The following PHACTR1 variants were observed in gnomAD, a reference collection of about 807,000 sequenced individuals.
The protein encoded by PHACTR1 is phosphatase and actin regulator 1, also known as RPEL repeat containing 1.
A neutral mutation model predicts 69.2 loss-of-function variants in PHACTR1; 16 were observed. That is an observed-to-expected ratio of 0.23 (90% CI 0.16 to 0.35). The LOEUF is 0.35. Among genes scored for constraint, PHACTR1 ranks in the 10% least tolerant of loss-of-function variants. The probability of loss-of-function intolerance (pLI) is 1.00; values close to 1 mark genes in which losing one functional copy is unlikely to be tolerated. For missense variants in PHACTR1, 510 were observed against 734.7 expected (o/e 0.69, Z 3.54); for synonymous variants, 312 against 284.5 (o/e 1.10, Z -0.97).
rs114783522 is a variant in PHACTR1, at chr6:12,845,913, G to A, written c.250+96123G>A. Among the ~76,000 whole-genome samples, 1,051 of 152,304 alleles carry A rather than the reference G, an allele frequency of 6.9e-3. 16 individuals are homozygous for A. The highest frequency in any genetic ancestry group is 0.024 in the African/African-American group (1,000 of 41,558). ...GACAAAGTAAGCAATTTCATTGTGT[G>A]CAGATTTCATGCACCTGCTGAAAGT... On this transcript the variant is annotated intron_variant, in intron 4 of 14. Transcript: ENST00000332995.
intron 4 of PHACTR1, among the ~76,000 whole-genome samples, chr6:12,780,518 A>G (rs1770688848): frequency 1.3e-5 from 2 of 152,180 alleles, no homozygotes. Flanking sequence ...CACAGAGTAA[A>G]TCTTTGCCAG....
At chr6:12,950,516 A>G (rs1372597425) in intron 4 of PHACTR1, among the ~76,000 whole-genome samples, 2 of 152,210 alleles carry the variant, frequency 1.3e-5, no homozygotes, top group South Asian at 2.1e-4. Context: ...ATCTTTGGAA[A>G]ATGCAATCTG....
intron 4 of PHACTR1, among the ~76,000 whole-genome samples, chr6:12,964,354 A>G (rs898064759): frequency 1.1e-4 from 17 of 152,310 alleles, no homozygotes; most frequent in African/African-American, 3.8e-4. Flanking sequence ...TAAGAGGGAG[A>G]TATTAATTCT....
intron 4 of PHACTR1, among the ~76,000 whole-genome samples, chr6:12,820,337 C>T (rs145058910): frequency 2.6e-5 from 4 of 152,048 alleles, no homozygotes; most frequent in African/African-American, 4.8e-5. Context: ...CATGCCACCA[C>T]GTCTGACTAA....
Position 12,741,965 on chromosome 6 carries a change from ACTTG to A in PHACTR1, c.104-7675_104-7672del, listed in dbSNP as rs143931323. On this transcript the variant is annotated intron_variant, in intron 3 of 14. Coordinates refer to ENST00000332995, the MANE Select transcript of PHACTR1 (RefSeq NM_030948.6). Reference sequence around the variant, plus strand: ...TGTTTTATAGTTTTTCATGCAGAGGACTTGCTTATCTTTTTTAAAATTTATTGAT... The same window carrying A: ...TGTTTTATAGTTTTTCATGCAGAGGACTTATCTTTTTTAAAATTTATTGAT... Among the ~76,000 whole-genome samples, 32 of 152,214 alleles carry A rather than the reference ACTTG, an allele frequency of 2.1e-4. No individual in the cohort carries two copies. In the East Asian group the frequency reaches 5.6e-3, roughly 27 times the overall value.
intron 4 of PHACTR1, among the ~76,000 whole-genome samples, chr6:13,045,622 C>T (rs1424366650): frequency 6.6e-6 from 1 of 152,196 alleles, no homozygotes; most frequent in African/African-American, 2.4e-5. Context: ...GTATTCTTGG[C>T]TGTCAATTCA....
At chr6:12,818,981 G>A (rs576657846) in intron 4 of PHACTR1, among the ~76,000 whole-genome samples, 106 of 152,294 alleles carry the variant, frequency 7.0e-4, no homozygotes, top group Non-Finnish European at 1.2e-3. Flanking sequence ...GAAATAAAGC[G>A]CAGAGTTTGG....
At chr6:12,827,031 C>T (rs1776876121) in intron 4 of PHACTR1, among the ~76,000 whole-genome samples, 1 of 152,192 alleles carries the variant, frequency 6.6e-6, no homozygotes, top group Non-Finnish European at 1.5e-5. Context: ...TACCCACTTT[C>T]CCTCACTCGT....
intron 8 of PHACTR1, among the ~76,000 whole-genome samples, chr6:13,226,029 A>G (rs893012790): frequency 3.9e-5 from 6 of 152,186 alleles, no homozygotes; most frequent in Non-Finnish European, 8.8e-5. Flanking sequence ...TCCTGCTCCC[A>G]TTGTCATTTG....
intron 10 of PHACTR1, chr6:13,265,040 T>A (rs1228673568): frequency 2.0e-5 from 3 of 150,502 alleles, no homozygotes; most frequent in African/African-American, 4.9e-5. Flanking sequence ...AAAAAAATAA[T>A]AAAATAAAAT....
At chr6:13,207,044 CAT>C (rs1392220586) in intron 8 of PHACTR1, among the ~76,000 whole-genome samples, 7 of 152,298 alleles carry the variant, frequency 4.6e-5, no homozygotes, top group Admixed American at 2.0e-4. Context: ...CGCACATACA[CAT>C]GTACACACAC....
chr6:12,926,869 G>T (rs182035671), intron 4 of PHACTR1, among the ~76,000 whole-genome samples: 2 of 151,718 alleles, frequency 1.3e-5, no homozygotes, highest in South Asian at 2.1e-4. Flanking sequence ...CCCTACATGC[G>T]CTGGTCCTGG....
chr6:13,213,153 G>T (rs184118806), intron 8 of PHACTR1, among the ~76,000 whole-genome samples: 71 of 152,270 alleles, frequency 4.7e-4, no homozygotes, highest in Non-Finnish European at 8.5e-4. Context: ...GCCTCTCATA[G>T]CTGCAGTGAT....
chr6:13,202,968 G>A (rs776162305), intron 7 of PHACTR1, among the ~76,000 whole-genome samples: 6 of 152,230 alleles, frequency 3.9e-5, no homozygotes, highest in African/African-American at 7.2e-5. Flanking sequence ...ATGAACATGC[G>A]GAAGCCTGTG....
At chr6:13,196,241 G>A (rs888608081) in intron 7 of PHACTR1, among the ~76,000 whole-genome samples, 2 of 148,662 alleles carry the variant, frequency 1.3e-5, no homozygotes, top group Non-Finnish European at 3.0e-5. Flanking sequence ...ATTCAGTGAG[G>A]TGCTGTCAAG....
chr6:13,084,172 T>C (rs367712808), intron 5 of PHACTR1, among the ~76,000 whole-genome samples: 5 of 151,886 alleles, frequency 3.3e-5, no homozygotes, highest in Non-Finnish European at 7.4e-5. Context: ...GGCACATATA[T>C]ACCATGGAAT....
At chr6:12,726,819 C>T (rs1762852649) in intron 3 of PHACTR1, among the ~76,000 whole-genome samples, 1 of 152,124 alleles carries the variant, frequency 6.6e-6, no homozygotes, top group Admixed American at 6.6e-5. Context: ...TTCCATTCTC[C>T]CTTCTAATGT....
intron 10 of PHACTR1, among the ~76,000 whole-genome samples, chr6:13,268,830 A>G (rs1777188954): frequency 6.6e-6 from 1 of 152,238 alleles, no homozygotes; most frequent in South Asian, 2.1e-4. Flanking sequence ...TATAGCTATG[A>G]TTAGTCTTGA....
At chr6:12,732,182 G>T (rs1457166468) in intron 3 of PHACTR1, among the ~76,000 whole-genome samples, 1 of 151,768 alleles carries the variant, frequency 6.6e-6, no homozygotes, top group Non-Finnish European at 1.5e-5. Context: ...AGTAATTATA[G>T]AAAAATTTAA....
Sources: gnomAD v4.1 joint callset for allele counts (sites outside exome capture counted in the v4.1 genomes callset) on GRCh38, gnomAD v4.1.1 for gene constraint, MANE v1.5 for transcripts, NCBI Gene and HGNC (gene_info 2026-07-23, HGNC 2026-07-21) for gene names.